Variants in KLHL1 observed in about 807,000 individuals in gnomAD.
The protein encoded by KLHL1 is kelch-like protein 1.
Under a neutral mutation model 77.7 loss-of-function variants are expected in KLHL1, and 47 were observed. The ratio of observed to expected loss-of-function variants is 0.60; its 90% CI spans 0.48 to 0.77. The LOEUF (loss-of-function observed/expected upper bound fraction) is 0.77, where lower values mean the gene tolerates loss of function less well. KLHL1 is among the 30% of genes least tolerant of loss of function. The pLI, the probability that KLHL1 is intolerant of heterozygous loss-of-function variation, is 0.00. For synonymous variants in KLHL1, 360 were observed against 325.2 expected (o/e 1.11, Z -1.15); for missense variants, 925 against 910.8 (o/e 1.02, Z -0.20).
At chr13:69,722,287 A>G (rs561607796) in intron 8 of KLHL1, among the ~76,000 whole-genome samples, 13 of 152,200 alleles carry the variant, frequency 8.5e-5, no homozygotes, top group African/African-American at 2.6e-4. Flanking sequence ...AAATAGTTCT[A>G]GGCAATAATA....
chr13:69,985,153 T>G (rs1335535062), intron 1 of KLHL1, among the ~76,000 whole-genome samples: 1 of 151,590 alleles, frequency 6.6e-6, no homozygotes. Context: ...ACAAAAAACC[T>G]CTGTGCAAAA....
chr13:69,995,469 T>C (rs1312447263), intron 1 of KLHL1, among the ~76,000 whole-genome samples: 1 of 152,124 alleles, frequency 6.6e-6, no homozygotes, highest in East Asian at 1.9e-4. Context: ...ATGCTCTCTC[T>C]CCAAGTTATT....
chr13:69,780,711 T>TATATATATATACAC (rs1566243654), intron 7 of KLHL1, among the ~76,000 whole-genome samples: 1 of 40,016 alleles, frequency 2.5e-5, no homozygotes, highest in Non-Finnish European at 4.6e-5. Context: ...TGTATATATA[T>TATATATATATACAC]ATATGTATAT....
chr13:69,731,386 G>A (rs1332712299), intron 8 of KLHL1, among the ~76,000 whole-genome samples: 1 of 152,128 alleles, frequency 6.6e-6, no homozygotes, highest in Non-Finnish European at 1.5e-5. Flanking sequence ...GTATTCCTCA[G>A]AAGGTAATGG....
chr13:70,031,915 G>A (rs1283351521), intron 1 of KLHL1, among the ~76,000 whole-genome samples: 1 of 152,134 alleles, frequency 6.6e-6, no homozygotes, highest in African/African-American at 2.4e-5. Context: ...ACTATTATGA[G>A]TCAAAGTACC....
At chr13:69,755,175 C>T (rs1031572968) in intron 7 of KLHL1, among the ~76,000 whole-genome samples, 4 of 151,916 alleles carry the variant, frequency 2.6e-5, no homozygotes, top group African/African-American at 9.7e-5. Context: ...AGTTCTAGCT[C>T]CTTGAGTTCA....
At position 69,855,345 on chromosome 13, in the gene KLHL1, T is replaced by C. The variant is rs12584568; in HGVS notation, c.1228-16183A>G. On this transcript the variant is annotated intron_variant, in intron 5 of 10. Transcript: ENST00000377844. Reference sequence around the variant, plus strand: ...ATAGATAGATAGATAGATAGATAGATAGACAGACAGATAGATACATAGAGA... The same window carrying C: ...ATAGATAGATAGATAGATAGATAGACAGACAGACAGATAGATACATAGAGA... 1.5e-3 allele frequency among the ~76,000 whole-genome samples: 112 copies of C among 72,344 alleles called. 2 individuals are homozygous for C. The highest frequency in any genetic ancestry group is 6.7e-3 in the Middle Eastern group (1 of 150). The allele number at this position is 72,344 out of a possible 152,430, so 47.5% of individuals were successfully genotyped here. A position where few individuals can be genotyped will look rare whatever the true frequency, so the allele number is the denominator to read the frequency against.
intron 4 of KLHL1, among the ~76,000 whole-genome samples, chr13:69,893,303 C>T (rs1881499668): frequency 6.7e-6 from 1 of 149,592 alleles, no homozygotes; most frequent in South Asian, 2.1e-4. Flanking sequence ...GGCGCAATCT[C>T]GGCTCACTGC....
intron 7 of KLHL1, among the ~76,000 whole-genome samples, chr13:69,745,334 G>A (rs886076034): frequency 3.3e-5 from 5 of 151,728 alleles, no homozygotes; most frequent in Non-Finnish European, 7.4e-5. Flanking sequence ...TTATCAATTT[G>A]TAGTAGTTCT....
At chr13:69,978,325 T>A (rs1353394996) in intron 1 of KLHL1, among the ~76,000 whole-genome samples, 1 of 151,684 alleles carries the variant, frequency 6.6e-6, no homozygotes, top group South Asian at 2.1e-4. Flanking sequence ...ATGCTTCTTC[T>A]GCTTGGGTAC....
At chr13:69,951,199 T>C (rs1883697061) in intron 3 of KLHL1, among the ~76,000 whole-genome samples, 1 of 151,552 alleles carries the variant, frequency 6.6e-6, no homozygotes, top group Admixed American at 6.6e-5. Context: ...ATTGTTTTGA[T>C]TTGAATTTGA....
In KLHL1 at chr13:69,834,693, T is replaced by G. The variant is rs115763809; in HGVS notation, c.1414+4283A>C. On this transcript the variant is annotated intron_variant, in intron 6 of 10. Transcript: ENST00000377844. ...GTTATCACAATTAATAGTAAGTGTT[T>G]CTAAAATTAGAAAGTTTCTGTTGCC... 4.2e-3 allele frequency among the ~76,000 whole-genome samples: 644 copies of G among 152,244 alleles called. 5 individuals are homozygous for G. The highest frequency in any genetic ancestry group is 0.015 in the African/African-American group (620 of 41,566).
At chr13:69,837,806 GT>G (rs1158713420) in intron 6 of KLHL1, among the ~76,000 whole-genome samples, 5 of 150,836 alleles carry the variant, frequency 3.3e-5, no homozygotes, top group African/African-American at 1.2e-4. Context: ...TTTTAAAGAA[GT>G]TTCTAAGGCT....
chr13:69,903,997 C>T lies in KLHL1; in HGVS notation c.1015-21502G>A, dbSNP rs1566384366. Among the ~76,000 whole-genome samples the T allele has an allele frequency of 2.6e-5, 4 of 151,690 alleles. No individual in the cohort carries two copies. The South Asian group carries it at 6.2e-4, about 24-fold the overall frequency. On this transcript the variant is annotated intron_variant, in intron 4 of 10. Transcript: ENST00000377844. ...ATTGAAGAAATGTTTACTATATGCC[C>T]TATGTATTTAAAGAGACCCACTTGA...
At chr13:69,942,320 A>G (rs533033026) in intron 3 of KLHL1, among the ~76,000 whole-genome samples, 2 of 152,190 alleles carry the variant, frequency 1.3e-5, no homozygotes, top group East Asian at 3.9e-4. Context: ...AAATTTGAAT[A>G]TAAGACTTTA....
Position 70,107,219 on chromosome 13 carries a change from C to T in KLHL1, c.481G>A (p.Glu161Lys), listed in dbSNP as rs1175313582. The T allele has an allele frequency of 1.2e-6, 2 of 1,610,856 alleles. No individual in the cohort carries two copies. The highest frequency in any genetic ancestry group is 2.2e-5 in the East Asian group (1 of 44,834). ...TTACTGTACCTGTGTCCACATCCTT[C>T]ACCTGTTGCCTGGCTAGAGTTGTCT... is the stretch of plus-strand genomic sequence containing the variant. ...EPDNSSQATG[E>K]GCGHRLSSTG... The change falls in exon 1 of 11, where the codon GAA becomes AAA. Residue 161 changes from glutamate to lysine, a missense_variant. Transcript: ENST00000377844.
intron 7 of KLHL1, among the ~76,000 whole-genome samples, chr13:69,772,512 G>T (rs535086603): frequency 4.6e-5 from 7 of 151,900 alleles, no homozygotes; most frequent in Non-Finnish European, 7.4e-5. Flanking sequence ...ACAAATTAAG[G>T]CTGTTTATTA....
chr13:69,907,947 A>C (rs1013356857), intron 4 of KLHL1, among the ~76,000 whole-genome samples: 1 of 152,106 alleles, frequency 6.6e-6, no homozygotes, highest in African/African-American at 2.4e-5. Flanking sequence ...TATTTCAGCC[A>C]CCAATTTATT....
chr13:69,833,172 C>A (rs1878830576), intron 6 of KLHL1, among the ~76,000 whole-genome samples: 1 of 152,064 alleles, frequency 6.6e-6, no homozygotes, highest in Admixed American at 6.6e-5. Context: ...AACAGACAAC[C>A]CACAGAGTGG....
Sources: allele counts gnomAD v4.1 joint callset (sites outside exome capture counted in the v4.1 genomes callset), GRCh38; gene constraint gnomAD v4.1.1; transcripts MANE v1.5; gene names NCBI Gene and HGNC (gene_info 2026-07-23, HGNC 2026-07-21).